GPCPD1: variants seen among roughly 807,000 people sequenced by gnomAD.
GPCPD1 encodes glycerophosphocholine phosphodiesterase GPCPD1.
GPCPD1 carries 29 observed loss-of-function variants against 89.2 expected under a neutral mutation model. That is an observed-to-expected ratio of 0.33 (90% CI 0.24 to 0.44). The LOEUF (loss-of-function observed/expected upper bound fraction) is 0.44, where lower values mean the gene tolerates loss of function less well. GPCPD1 is among the 20% of genes least tolerant of loss of function. The pLI is 1.00. For synonymous variants in GPCPD1, 258 were observed against 266.3 expected (o/e 0.97, Z 0.30); for missense variants, 594 against 808.9 (o/e 0.73, Z 3.22).
intron 12 of GPCPD1, among the ~76,000 whole-genome samples, chr20:5,568,967 T>A (rs575530945): frequency 6.6e-6 from 1 of 152,172 alleles, no homozygotes; most frequent in East Asian, 1.9e-4. Context: ...GCTAATAAGA[T>A]CATTTATCAC....
chr20:5,590,522 G>A (rs1252698099), intron 4 of GPCPD1, among the ~76,000 whole-genome samples: 2 of 76,190 alleles, frequency 2.6e-5, no homozygotes, highest in Admixed American at 1.4e-4. Flanking sequence ...CAGCCTGGGC[G>A]ACAGAACAAG....
At chr20:5,606,631 C>G (rs896562342) in intron 1 of GPCPD1, among the ~76,000 whole-genome samples, 1 of 152,148 alleles carries the variant, frequency 6.6e-6, no homozygotes, top group African/African-American at 2.4e-5. Flanking sequence ...GTTGTCACAA[C>G]TGGGAGTGGC....
intron 15 of GPCPD1, 84 bp downstream of exon 15, chr20:5,564,933 G>C: frequency 1.3e-6 from 1 of 751,032 alleles, no homozygotes; most frequent in Non-Finnish European, 2.4e-6. Context: ...AGCCTTTTTA[G>C]GATCCTTTTA....
intron 19 of GPCPD1, among the ~76,000 whole-genome samples, chr20:5,550,224 A>G (rs1331875544): frequency 6.6e-6 from 1 of 151,438 alleles, no homozygotes; most frequent in South Asian, 2.1e-4. Context: ...ACAAACAAAA[A>G]ACATAAAAGC....
intron 7 of GPCPD1, 113 bp downstream of exon 7, chr20:5,579,895 G>C: frequency 1.6e-6 from 1 of 637,146 alleles, no homozygotes. Flanking sequence ...GTAGTTACTA[G>C]AATATGTAAC....
At chr20:5,593,876 G>C (rs113013946) in intron 3 of GPCPD1, among the ~76,000 whole-genome samples, 7 of 152,318 alleles carry the variant, frequency 4.6e-5, no homozygotes, top group African/African-American at 1.7e-4. Context: ...GCTGATAAGA[G>C]ACTTTGGGTC....
At chr20:5,601,354 T>A (rs1265424826) in intron 2 of GPCPD1, among the ~76,000 whole-genome samples, 1 of 139,794 alleles carries the variant, frequency 7.2e-6, no homozygotes, top group African/African-American at 2.7e-5. Context: ...AGGGAGACCC[T>A]GTTAATCTTT....
Position 5,598,717 on chromosome 20 carries a change from A to T in GPCPD1, c.146+8T>A. 3 of 1,526,518 alleles carry T rather than the reference A, an allele frequency of 2.0e-6. No individual in the cohort carries two copies. The highest frequency in any genetic ancestry group is 2.7e-6 in the Non-Finnish European group (3 of 1,100,096). 94.6% of individuals were successfully genotyped at this position (1,526,518 alleles called of 1,614,324 possible). On this transcript the variant is annotated splice_region_variant and intron_variant, in intron 3 of 19. Coordinates refer to ENST00000379019, the MANE Select transcript of GPCPD1 (RefSeq NM_019593.5). ...AGTTATTCTGTAACCTCACATTTCC[A>T]TACTCACCTTTCACCTGTGTCATTC... is the stretch of plus-strand genomic sequence containing the variant.
rs537844438 is a variant in GPCPD1, at chr20:5,579,600, G to A, written c.473+408C>T. 3.9e-5 allele frequency among the ~76,000 whole-genome samples: 6 copies of A among 152,222 alleles called. No individual in the cohort carries two copies. In the South Asian group the frequency reaches 1.2e-3, roughly 32 times the overall value. ...CGACCTCAGGTGATCTGCCCACCTC[G>A]GCCTCCCAAAGTGCTGGGACTACAG... On this transcript the variant is annotated intron_variant, in intron 7 of 19. Coordinates refer to ENST00000379019, the MANE Select transcript of GPCPD1 (RefSeq NM_019593.5).
intron 4 of GPCPD1, among the ~76,000 whole-genome samples, chr20:5,592,514 C>G (rs1045284765): frequency 2.0e-5 from 3 of 152,096 alleles, no homozygotes; most frequent in Non-Finnish European, 2.9e-5. Context: ...GCTAAGAGCA[C>G]GAGGTAACAG....
chr20:5,556,128 A>G (rs1197173820), intron 19 of GPCPD1, among the ~76,000 whole-genome samples: 1 of 152,230 alleles, frequency 6.6e-6, no homozygotes, highest in Non-Finnish European at 1.5e-5. Context: ...TCCTAGTAAT[A>G]ACGTATTTTA....
chr20:5,604,611 C>CGGGGGGGGGGG (rs1209127849), intron 1 of GPCPD1, among the ~76,000 whole-genome samples, 171 bp from the exon 2 acceptor site: 1 of 6,196 alleles, frequency 1.6e-4, no homozygotes, highest in African/African-American at 4.1e-4. Flanking sequence ...AACTTTAGTG[C>CGGGGGGGGGGG]GGGGGGGGGG....
chr20:5,567,575 A>AAG lies in GPCPD1; in HGVS notation c.1150-16_1150-15insCT. 1 of 1,537,414 alleles carries AAG rather than the reference A, an allele frequency of 6.5e-7. No individual in the cohort carries two copies. The highest frequency in any genetic ancestry group is 2.2e-5 in the Admixed American group (1 of 44,482). On this transcript the variant is annotated splice_polypyrimidine_tract_variant and intron_variant, in intron 12 of 19. Coordinates refer to ENST00000379019, the MANE Select transcript of GPCPD1 (RefSeq NM_019593.5). ...GCATCAAATTTCTAAAAAAAAAAAA[A>AAG]AAAGAAAGAAAGAAAAAGAAAGAAT...
intron 2 of GPCPD1, among the ~76,000 whole-genome samples, chr20:5,599,390 C>T (rs1220266633): frequency 2.0e-5 from 3 of 151,918 alleles, no homozygotes; most frequent in Non-Finnish European, 4.4e-5. Context: ...TCACTTGAAC[C>T]CAGGAGGCAG....
At chr20:5,574,039 A>G in intron 10 of GPCPD1, 70 bp from the exon 11 acceptor site, 1 of 883,580 alleles carries the variant, frequency 1.1e-6, no homozygotes, top group South Asian at 1.4e-5. Flanking sequence ...AAAGAAGCAA[A>G]GTGTACTTTC....
At chr20:5,577,074 T>G (rs1454682329) in intron 8 of GPCPD1, among the ~76,000 whole-genome samples, 3 of 148,424 alleles carry the variant, frequency 2.0e-5, no homozygotes, top group African/African-American at 2.5e-5. Context: ...TGTTTTTTTT[T>G]TTTTTTCTGA....
chr20:5,548,890 A>C, intron 19 of GPCPD1: 1 of 1,039,486 alleles, frequency 9.6e-7, no homozygotes, highest in Non-Finnish European at 1.3e-6. Context: ...TGAAGAGGAG[A>C]AAACAGAATC....
intron 4 of GPCPD1, among the ~76,000 whole-genome samples, chr20:5,586,675 G>A (rs1978947755): frequency 6.6e-6 from 1 of 152,100 alleles, no homozygotes; most frequent in East Asian, 1.9e-4. Context: ...CCTGCTCTAT[G>A]CATTTAGAAA....
At chr20:5,579,506 C>T (rs1191814277) in intron 7 of GPCPD1, among the ~76,000 whole-genome samples, 2 of 152,130 alleles carry the variant, frequency 1.3e-5, no homozygotes, top group Admixed American at 6.5e-5. Flanking sequence ...CAACAGCATG[C>T]CCAGCTAAGT....
Sources: allele counts gnomAD v4.1 joint callset (sites outside exome capture counted in the v4.1 genomes callset), GRCh38; gene constraint gnomAD v4.1.1; transcripts MANE v1.5; gene names NCBI Gene and HGNC (gene_info 2026-07-23, HGNC 2026-07-21).